FMN2: variants seen among roughly 807,000 people sequenced by gnomAD.
FMN2 encodes the protein formin 2.
FMN2 carries 51 observed loss-of-function variants against 142.3 expected under a neutral mutation model. The ratio of observed to expected loss-of-function variants is 0.36; its 90% CI spans 0.29 to 0.45. The LOEUF (loss-of-function observed/expected upper bound fraction) is 0.45, where lower values mean the gene tolerates loss of function less well. FMN2 is among the 20% of genes least tolerant of loss of function. FMN2 has a pLI of 1.00. For missense variants in FMN2, 1,936 were observed against 2,122.8 expected, an observed-to-expected ratio of 0.91 and a Z score of 1.73; for synonymous variants, 882 against 869.8, an observed-to-expected ratio of 1.01 and a Z score of -0.25.
chr1:240,470,409 A>T (rs942215851), intron 16 of FMN2, among the ~76,000 whole-genome samples: 3 of 152,172 alleles, frequency 2.0e-5, no homozygotes, highest in Non-Finnish European at 4.4e-5. Flanking sequence ...GTAACAATGA[A>T]GTATCTTCTA....
At chr1:240,217,893 G>A (rs1217883584) in intron 6 of FMN2, among the ~76,000 whole-genome samples, 1 of 151,958 alleles carries the variant, frequency 6.6e-6, no homozygotes, top group Non-Finnish European at 1.5e-5. Context: ...TATATATTAG[G>A]GAAATTATAT....
intron 6 of FMN2, among the ~76,000 whole-genome samples, chr1:240,250,698 A>G (rs542179586): frequency 6.6e-6 from 1 of 152,130 alleles, no homozygotes; most frequent in South Asian, 2.1e-4. Flanking sequence ...AGAATTTGGC[A>G]GTGACACCAT....
chr1:240,415,761 A>T (rs1408918103), intron 15 of FMN2, among the ~76,000 whole-genome samples: 2 of 152,202 alleles, frequency 1.3e-5, no homozygotes, highest in East Asian at 1.9e-4. Context: ...CAATGCAGTA[A>T]GTATTTACCG....
chr1:240,221,602 C>T (rs149404565), intron 6 of FMN2, among the ~76,000 whole-genome samples: 269 of 151,772 alleles, frequency 1.8e-3, no homozygotes, highest in African/African-American at 6.0e-3. Context: ...TGTTTAAGTT[C>T]TTTGTAGATT....
At chr1:240,407,201 G>A (rs1246746278) in intron 15 of FMN2, among the ~76,000 whole-genome samples, 1 of 151,324 alleles carries the variant, frequency 6.6e-6, no homozygotes, top group Non-Finnish European at 1.5e-5. Context: ...TCAGTGGTGC[G>A]ATCTCGGCTT....
chr1:240,144,977 A>T lies in FMN2; in HGVS notation c.1782+21632A>T. Reference sequence around the variant, plus strand: ...CTTGAGGCACTCGCACTCCCCACTCATGGTCATGGCCAAAACAGAGATGAT... The same window carrying T: ...CTTGAGGCACTCGCACTCCCCACTCTTGGTCATGGCCAAAACAGAGATGAT... On this transcript the variant is annotated intron_variant, in intron 2 of 17. Coordinates refer to ENST00000319653, the MANE Select transcript of FMN2 (RefSeq NM_020066.5). The T allele has an allele frequency of 2.4e-6, 3 of 1,274,092 alleles. No homozygotes were observed. The South Asian group carries it at 3.6e-5, about 15-fold the overall frequency. The allele number at this position is 1,274,092 out of a possible 1,614,324, so 78.9% of individuals were successfully genotyped here.
At chr1:240,220,511 G>A (rs947843931) in intron 6 of FMN2, among the ~76,000 whole-genome samples, 22 of 152,040 alleles carry the variant, frequency 1.4e-4, no homozygotes, top group Admixed American at 9.2e-4. Context: ...CACCATCATC[G>A]ATGGAAGTAG....
At chr1:240,209,299 G>A (rs561558544) in intron 5 of FMN2, among the ~76,000 whole-genome samples, 1 of 150,912 alleles carries the variant, frequency 6.6e-6, no homozygotes, top group Non-Finnish European at 1.5e-5. Context: ...CACCCAGGCT[G>A]GAGTGCAGCG....
At chr1:240,277,741 G>C (rs1669266277) in intron 7 of FMN2, among the ~76,000 whole-genome samples, 1 of 151,612 alleles carries the variant, frequency 6.6e-6, no homozygotes, top group African/African-American at 2.4e-5. Flanking sequence ...CACCATGTTG[G>C]CCAGCCTGGT....
At chr1:240,210,487 G>A (rs557562208) in intron 5 of FMN2, among the ~76,000 whole-genome samples, 15 of 152,238 alleles carry the variant, frequency 9.9e-5, no homozygotes, top group South Asian at 4.2e-4. Context: ...TTGTTACCAC[G>A]CCACTTATGT....
chr1:240,247,754 T>G (rs1323134996), intron 6 of FMN2, among the ~76,000 whole-genome samples: 1 of 152,178 alleles, frequency 6.6e-6, no homozygotes, highest in Non-Finnish European at 1.5e-5. Flanking sequence ...GTTCCTACTC[T>G]CATGTTCTGA....
intron 6 of FMN2, among the ~76,000 whole-genome samples, chr1:240,241,825 C>CTTTTTTTTTTTTTTTTTTTTTTTTTT (rs71567282): frequency 8.3e-5 from 8 of 96,234 alleles, no homozygotes; most frequent in African/African-American, 2.3e-4. Flanking sequence ...GTGTGCCTTG[C>CTTTTTTTTTTTTTTTTTTTTTTTTTT]TTTTTTTTTT....
chr1:240,431,096 G>T (rs1675156427), intron 15 of FMN2, among the ~76,000 whole-genome samples: 2 of 151,276 alleles, frequency 1.3e-5, no homozygotes, highest in South Asian at 2.1e-4. Context: ...TACCTTTACA[G>T]TTATTTCAGC....
At chr1:240,335,942 G>T (rs370790659) in intron 13 of FMN2, among the ~76,000 whole-genome samples, 1 of 151,744 alleles carries the variant, frequency 6.6e-6, no homozygotes, top group East Asian at 1.9e-4. Flanking sequence ...TCAGGAGTTC[G>T]AGACCAGCCT....
At chr1:240,184,516 T>TG (rs1665307088) in intron 3 of FMN2, among the ~76,000 whole-genome samples, 1 of 136,184 alleles carries the variant, frequency 7.3e-6, no homozygotes, top group South Asian at 2.3e-4. Context: ...GCGCCCGGCC[T>TG]GTTTTTTTTT....
At chr1:240,428,401 A>G (rs1397113747) in intron 15 of FMN2, among the ~76,000 whole-genome samples, 2 of 142,018 alleles carry the variant, frequency 1.4e-5, no homozygotes, top group South Asian at 2.6e-4. Context: ...CAAATTTTGT[A>G]TTTTGTGTAG....
At chr1:240,428,711 A>G (rs1034170132) in intron 15 of FMN2, among the ~76,000 whole-genome samples, 9 of 152,218 alleles carry the variant, frequency 5.9e-5, no homozygotes, top group Non-Finnish European at 1.3e-4. Flanking sequence ...GCTAGTTAAC[A>G]TATGCATTAC....
chr1:240,327,294 A>G (rs1272038547), intron 8 of FMN2, among the ~76,000 whole-genome samples: 1 of 152,182 alleles, frequency 6.6e-6, no homozygotes, highest in Non-Finnish European at 1.5e-5. Context: ...TCTCTCATCA[A>G]TTCTTCTCTC....
chr1:240,237,852 C>A (rs1278149104), intron 6 of FMN2, among the ~76,000 whole-genome samples: 2 of 152,162 alleles, frequency 1.3e-5, no homozygotes, highest in Non-Finnish European at 2.9e-5. Context: ...TCTTTGCCTA[C>A]TTGCTGCCTT....
Sources: allele counts gnomAD v4.1 joint callset (sites outside exome capture counted in the v4.1 genomes callset), GRCh38; gene constraint gnomAD v4.1.1; transcripts MANE v1.5; gene names NCBI Gene and HGNC (gene_info 2026-07-23, HGNC 2026-07-21).